AGBL1: variants seen among roughly 807,000 people sequenced by gnomAD.
The protein encoded by AGBL1 is AGBL carboxypeptidase 1.
A neutral mutation model predicts 118.9 loss-of-function variants in AGBL1; 130 were observed. That is an observed-to-expected ratio of 1.09 (90% confidence interval 0.95 to 1.26). The LOEUF (loss-of-function observed/expected upper bound fraction) is 1.26, where lower values mean the gene tolerates loss of function less well. AGBL1 is among the 50% of genes most tolerant of loss of function. AGBL1 has a pLI of 0.00. For missense variants in AGBL1, 1,584 were observed against 1,298.1 expected (o/e 1.22, Z -3.38); for synonymous variants, 555 against 478.9 (o/e 1.16, Z -2.08).
At chr15:86,125,701 C>A (rs1435989201) in intron 1 of AGBL1, among the ~76,000 whole-genome samples, 1 of 152,206 alleles carries the variant, frequency 6.6e-6, no homozygotes, top group Non-Finnish European at 1.5e-5. Flanking sequence ...AGGCAGGGAT[C>A]TCTGCATATT....
intron 23 of AGBL1, among the ~76,000 whole-genome samples, chr15:86,951,956 G>A (rs1416281558): frequency 6.6e-6 from 1 of 152,116 alleles, no homozygotes; most frequent in African/African-American, 2.4e-5. Context: ...CTCCTGGCTG[G>A]GCACGGTGGC....
At chr15:86,337,359 G>A (rs945362057) in intron 17 of AGBL1, among the ~76,000 whole-genome samples, 27 of 152,230 alleles carry the variant, frequency 1.8e-4, no homozygotes, top group Admixed American at 5.2e-4. Context: ...AAGTAGGAAG[G>A]AAAAGAAGGA....
At chr15:86,945,860 CA>C (rs2080814366) in intron 23 of AGBL1, among the ~76,000 whole-genome samples, 2 of 152,146 alleles carry the variant, frequency 1.3e-5, no homozygotes, top group Non-Finnish European at 2.9e-5. Context: ...AAAGTTTTTA[CA>C]AGTAGATTCA....
At position 86,979,930 on chromosome 15, in the gene AGBL1, T is replaced by G. The variant is rs886873237; in HGVS notation, c.3222-8057T>G. Among the ~76,000 whole-genome samples, 5 of 152,208 alleles carry G rather than the reference T, an allele frequency of 3.3e-5. No individual in the cohort carries two copies. In the East Asian group the frequency reaches 9.6e-4, roughly 29 times the overall value. On this transcript the variant is annotated intron_variant, in intron 23 of 24. Transcript: ENST00000441037. ...ACAGAGAGAAATCTACCAAGTGATT[T>G]TTACTGGGATCCACTAAGAGACTTT...
At chr15:86,101,741 T>C (rs1177896678) in intron 1 of AGBL1, among the ~76,000 whole-genome samples, 2 of 152,154 alleles carry the variant, frequency 1.3e-5, no homozygotes, top group Non-Finnish European at 2.9e-5. Flanking sequence ...TTCTATCCCC[T>C]GACTTTCACC....
intron 21 of AGBL1, among the ~76,000 whole-genome samples, chr15:86,629,371 G>A (rs1187947815): frequency 1.3e-5 from 2 of 152,166 alleles, no homozygotes; most frequent in African/African-American, 4.8e-5. Flanking sequence ...CTGTGGAATA[G>A]CAGTTAATTT....
chr15:86,127,557 G>C (rs1187253519), intron 1 of AGBL1, among the ~76,000 whole-genome samples: 1 of 151,154 alleles, frequency 6.6e-6, no homozygotes, highest in African/African-American at 2.5e-5. Flanking sequence ...GTGGCCGAGG[G>C]CACGTGGGAA....
At chr15:86,134,558 A>T (rs1238589355) in intron 1 of AGBL1, among the ~76,000 whole-genome samples, 1 of 145,544 alleles carries the variant, frequency 6.9e-6, no homozygotes, top group Non-Finnish European at 1.5e-5. Flanking sequence ...GGACTACAGG[A>T]TCCTTTTTTC....
chr15:86,902,723 T>C lies in AGBL1; in HGVS notation c.3159-4364T>C, dbSNP rs138761859. ...TTTGCTTTCAACACTTGAAAAATGGTGTGCCATTTTCTTCTGGCCTCTATG... is the reference window on the plus strand; with the variant it reads ...TTTGCTTTCAACACTTGAAAAATGGCGTGCCATTTTCTTCTGGCCTCTATG... On this transcript the variant is annotated intron_variant, in intron 22 of 22. Coordinates refer to ENST00000614907, the MANE Select transcript of AGBL1 (RefSeq NM_001386094.1). Among the ~76,000 whole-genome samples the C allele has an allele frequency of 7.0e-3, 1,070 of 152,280 alleles. 10 individuals are homozygous for C. Among genetic ancestry groups the C allele is most frequent in the African/African-American group, 0.023 (940 of 41,572 alleles).
intron 18 of AGBL1, among the ~76,000 whole-genome samples, chr15:86,520,986 A>C (rs2083182596): frequency 6.6e-6 from 1 of 152,206 alleles, no homozygotes; most frequent in Non-Finnish European, 1.5e-5. Flanking sequence ...CTATTTCTAG[A>C]TGTCATTGCT....
intron 24 of AGBL1, among the ~76,000 whole-genome samples, chr15:87,027,864 A>G (rs1316743303): frequency 6.6e-6 from 1 of 151,872 alleles, no homozygotes; most frequent in East Asian, 1.9e-4. Context: ...GGGGAACAAC[A>G]CACACTGGGG....
At position 86,141,986 on chromosome 15, in the gene AGBL1, C is replaced by T. The variant is rs776697173; in HGVS notation, c.52-18C>T. 1 of 1,548,350 alleles carries T rather than the reference C, an allele frequency of 6.5e-7. No individual in the cohort carries two copies. The highest frequency in any genetic ancestry group is 1.4e-5 in the African/African-American group (1 of 73,036). The stretch of plus-strand genomic sequence containing the variant: ...CCTCTTGCATTCTTAAATATGGCTG[C>T]CTGTGTTCTCATTGCAGAGCTCCTC... On this transcript the variant is annotated intron_variant, in intron 1 of 22. Transcript: ENST00000614907.
intron 17 of AGBL1, among the ~76,000 whole-genome samples, chr15:86,324,120 T>A (rs2080146929): frequency 6.6e-6 from 1 of 152,224 alleles, no homozygotes; most frequent in Non-Finnish European, 1.5e-5. Flanking sequence ...TAATTTAGTG[T>A]CAGGCACTGG....
intron 18 of AGBL1, among the ~76,000 whole-genome samples, chr15:86,485,644 C>A (rs1225372093): frequency 6.6e-6 from 1 of 152,062 alleles, no homozygotes; most frequent in Non-Finnish European, 1.5e-5. Flanking sequence ...TTTCTGCTCA[C>A]CCTTGTAAAA....
chr15:86,533,302 G>C (rs199914332), intron 19 of AGBL1, among the ~76,000 whole-genome samples: 2 of 131,184 alleles, frequency 1.5e-5, no homozygotes, highest in East Asian at 4.5e-4. Flanking sequence ...GTGGGCGAAG[G>C]ACATGAGCAG....
At chr15:86,670,927 G>T (rs1323982392) in intron 21 of AGBL1, among the ~76,000 whole-genome samples, 3 of 152,052 alleles carry the variant, frequency 2.0e-5, no homozygotes, top group Non-Finnish European at 4.4e-5. Flanking sequence ...ATCAGAGAGG[G>T]TTGTACTGGT....
chr15:86,121,571 G>C lies in AGBL1; in HGVS notation c.52-20433G>C, dbSNP rs562811475. Among the ~76,000 whole-genome samples, 21 of 152,328 alleles carry C rather than the reference G, an allele frequency of 1.4e-4. No homozygotes were observed. The Middle Eastern group carries it at 0.014, about 99-fold the overall frequency. On this transcript the variant is annotated intron_variant, in intron 1 of 22. Coordinates refer to ENST00000614907, the MANE Select transcript of AGBL1 (RefSeq NM_001386094.1). ...TTAGAAACTTCTTCATTTGCAAGTT[G>C]TAGGGGTGATTCATGTACTCGACAA...
intron 22 of AGBL1, among the ~76,000 whole-genome samples, chr15:86,775,828 T>A (rs1567168237): frequency 6.6e-6 from 1 of 152,166 alleles, no homozygotes; most frequent in Admixed American, 6.6e-5. Flanking sequence ...GACACCTATG[T>A]ACTCAGCAAT....
intron 23 of AGBL1, among the ~76,000 whole-genome samples, chr15:86,963,014 C>T (rs540837012): frequency 6.6e-5 from 10 of 152,140 alleles, no homozygotes; most frequent in East Asian, 5.8e-4. Flanking sequence ...ACGATTAAAA[C>T]GTGAGCATTA....
Sources: gnomAD v4.1 joint callset for allele counts (sites outside exome capture counted in the v4.1 genomes callset) on GRCh38, gnomAD v4.1.1 for gene constraint, MANE v1.5 for transcripts, NCBI Gene and HGNC (gene_info 2026-07-23, HGNC 2026-07-21) for gene names.